DPYD: variants seen among roughly 807,000 people sequenced by gnomAD.
DPYD encodes dihydropyrimidine dehydrogenase [NADP(+)].
A neutral mutation model predicts 116.2 loss-of-function variants in DPYD; 109 were observed. The ratio of observed to expected loss-of-function variants is 0.94; its 90% CI spans 0.80 to 1.10. The LOEUF (loss-of-function observed/expected upper bound fraction) is 1.10, where lower values mean the gene tolerates loss of function less well. DPYD is among the 50% of genes least tolerant of loss of function. DPYD has a pLI of 0.00. For missense variants in DPYD, 1,302 were observed against 1,254.5 expected (o/e 1.04, Z -0.57); for synonymous variants, 440 against 432.0 (o/e 1.02, Z -0.23).
At chr1:97,133,905 G>A (rs1480597260) in intron 20 of DPYD, among the ~76,000 whole-genome samples, 2 of 149,610 alleles carry the variant, frequency 1.3e-5, no homozygotes, top group Non-Finnish European at 3.0e-5. Context: ...AGGCTGAGGT[G>A]GGGGAATCGC....
intron 11 of DPYD, among the ~76,000 whole-genome samples, chr1:97,560,558 CAAAA>C (rs67653141): frequency 3.6e-5 from 4 of 111,484 alleles, no homozygotes; most frequent in Admixed American, 1.0e-4. Context: ...ATTCAATTAG[CAAAA>C]AAAAAAAAAA....
chr1:97,676,449 C>G (rs1660149611), intron 8 of DPYD, among the ~76,000 whole-genome samples: 2 of 152,096 alleles, frequency 1.3e-5, no homozygotes, highest in South Asian at 4.1e-4. Flanking sequence ...ACCCACAGAC[C>G]AAAGACGGAA....
rs144959980 is a variant in DPYD, at chr1:97,716,218, T to C, written c.483+5292A>G. On this transcript the variant is annotated intron_variant, in intron 5 of 22. Coordinates refer to ENST00000370192, the MANE Select transcript of DPYD (RefSeq NM_000110.4). ...AACTGTGTCTACCCTTGATAAAATA[T>C]AGAAATAAATGTTTACAGTCCCTTG... 6.8e-3 allele frequency among the ~76,000 whole-genome samples: 1,030 copies of C among 152,188 alleles called. 11 individuals carry two copies. Among genetic ancestry groups the C allele is most frequent in the Non-Finnish European group, 0.012 (783 of 67,956 alleles).
At chr1:97,079,654 TAACA>T (rs1356535556) in intron 22 of DPYD, among the ~76,000 whole-genome samples, 1 of 152,110 alleles carries the variant, frequency 6.6e-6, no homozygotes, top group African/African-American at 2.4e-5. Flanking sequence ...AAAATTAGCT[TAACA>T]GTCAGCTTTG....
chr1:97,370,967 A>C (rs770527077), intron 16 of DPYD, among the ~76,000 whole-genome samples: 85 of 152,178 alleles, frequency 5.6e-4, no homozygotes, highest in Non-Finnish European at 8.5e-4. Flanking sequence ...TTCATAAATA[A>C]ATATGGAACC....
chr1:97,507,386 T>C (rs1647421624), intron 13 of DPYD, among the ~76,000 whole-genome samples: 1 of 151,914 alleles, frequency 6.6e-6, no homozygotes, highest in Non-Finnish European at 1.5e-5. Flanking sequence ...AAAATAATCA[T>C]ATACAAAATT....
chr1:97,184,643 C>T (rs1016232843), intron 20 of DPYD, among the ~76,000 whole-genome samples: 3 of 151,974 alleles, frequency 2.0e-5, no homozygotes, highest in Non-Finnish European at 4.4e-5. Flanking sequence ...TTTTTACATG[C>T]CATTGTAAAT....
At chr1:97,785,681 CTTTTTTTTTTTTTT>C (rs35229030) in intron 3 of DPYD, among the ~76,000 whole-genome samples, 71 of 62,552 alleles carry the variant, frequency 1.1e-3, no homozygotes, top group African/African-American at 4.7e-3. Flanking sequence ...GCCACTGACT[CTTTTTTTTTTTTTT>C]TTTTTTTTTT....
Position 97,317,685 on chromosome 1 carries a change from T to G in DPYD, c.2059-11388A>C, listed in dbSNP as rs545322465. ...ATAATTCCATATTGAAGTGAATGAT[T>G]AACCAACACAGGGAGGAAGCTAGTG... On this transcript the variant is annotated intron_variant, in intron 16 of 22. Transcript: ENST00000370192. 2.6e-5 allele frequency among the ~76,000 whole-genome samples: 4 copies of G among 152,082 alleles called. No individual in the cohort carries two copies. In the East Asian group the frequency reaches 7.8e-4, roughly 30 times the overall value.
chr1:97,874,347 A>G (rs946755083), intron 2 of DPYD, among the ~76,000 whole-genome samples: 11 of 151,982 alleles, frequency 7.2e-5, no homozygotes, highest in African/African-American at 2.4e-4. Context: ...CATTAAACAT[A>G]TCATAAATTC....
At chr1:97,244,514 G>T (rs1050886911) in intron 18 of DPYD, among the ~76,000 whole-genome samples, 1 of 151,908 alleles carries the variant, frequency 6.6e-6, no homozygotes, top group African/African-American at 2.4e-5. Context: ...ACAGCTAAAA[G>T]AAAAAGAATT....
At chr1:97,472,221 A>G (rs573496963) in intron 13 of DPYD, among the ~76,000 whole-genome samples, 1 of 152,324 alleles carries the variant, frequency 6.6e-6, no homozygotes, top group East Asian at 1.9e-4. Context: ...TAAAGAGGCA[A>G]TTGCCAGTCT....
intron 19 of DPYD, among the ~76,000 whole-genome samples, chr1:97,207,140 A>G (rs1400567975): frequency 6.6e-6 from 1 of 152,148 alleles, no homozygotes; most frequent in Non-Finnish European, 1.5e-5. Context: ...TACATGAAGC[A>G]AAATAAAAAT....
chr1:97,690,850 T>G (rs1024670127), intron 7 of DPYD, among the ~76,000 whole-genome samples: 1 of 152,104 alleles, frequency 6.6e-6, no homozygotes, highest in African/African-American at 2.4e-5. Flanking sequence ...CACTGTCAAT[T>G]AAAACGTAAT....
chr1:97,807,441 C>T (rs907613525), intron 3 of DPYD, among the ~76,000 whole-genome samples: 1 of 152,008 alleles, frequency 6.6e-6, no homozygotes, highest in Non-Finnish European at 1.5e-5. Flanking sequence ...GTATATCTTT[C>T]TTGATGAGGT....
At chr1:97,085,697 G>A (rs78176718) in intron 21 of DPYD, among the ~76,000 whole-genome samples, 2,231 of 152,282 alleles carry the variant, frequency 0.015, 61 homozygotes, top group African/African-American at 0.051. Flanking sequence ...GGAATCTGGA[G>A]TTGGCTGAAA....
At chr1:97,630,441 TC>T (rs1485176247) in intron 8 of DPYD, among the ~76,000 whole-genome samples, 1 of 151,984 alleles carries the variant, frequency 6.6e-6, no homozygotes. Context: ...TCCCTCCACA[TC>T]CCCCTCTTGG....
chr1:97,898,692 T>C (rs1390126044), intron 1 of DPYD, among the ~76,000 whole-genome samples: 1 of 151,956 alleles, frequency 6.6e-6, no homozygotes, highest in Non-Finnish European at 1.5e-5. Flanking sequence ...TGAACTGTAA[T>C]AATCCCCATG....
In DPYD at chr1:97,661,411, T is replaced by C. The variant is rs534847075; in HGVS notation, c.850+17684A>G. 2.0e-5 allele frequency among the ~76,000 whole-genome samples: 3 copies of C among 152,314 alleles called. No homozygotes were observed. The East Asian group carries it at 5.8e-4, about 29-fold the overall frequency. ...ATAGAATCGAGGAGGACTGATGTTA[T>C]GTTTCCATAATGCATAATGCATATT... On this transcript the variant is annotated intron_variant, in intron 8 of 22. Transcript: ENST00000370192.
Sources: gnomAD v4.1 joint callset for allele counts (sites outside exome capture counted in the v4.1 genomes callset) on GRCh38, gnomAD v4.1.1 for gene constraint, MANE v1.5 for transcripts, NCBI Gene and HGNC (gene_info 2026-07-23, HGNC 2026-07-21) for gene names.